PPP6R3: variants seen among roughly 807,000 people sequenced by gnomAD.
The protein encoded by PPP6R3 is protein phosphatase 6 regulatory subunit 3.
PPP6R3 carries 38 observed loss-of-function variants against 110.7 expected under a neutral mutation model. That is an observed-to-expected ratio of 0.34 (90% CI 0.26 to 0.45). The LOEUF (loss-of-function observed/expected upper bound fraction) is 0.45, where lower values mean the gene tolerates loss of function less well. Ranked by LOEUF, PPP6R3 falls within the 20% of genes least tolerant of loss-of-function variation. The pLI is 1.00. For synonymous variants in PPP6R3, 369 were observed against 373.5 expected (o/e 0.99, Z 0.14); for missense variants, 870 against 1,062.4 (o/e 0.82, Z 2.52).
chr11:68,526,914 A>G (rs763535954), intron 2 of PPP6R3, among the ~76,000 whole-genome samples: 3 of 152,242 alleles, frequency 2.0e-5, no homozygotes, highest in Non-Finnish European at 4.4e-5. Context: ...GAACTAGTTG[A>G]CAAAAGTAAG....
At chr11:68,569,500 G>T (rs2099494125) in intron 10 of PPP6R3, among the ~76,000 whole-genome samples, 1 of 152,134 alleles carries the variant, frequency 6.6e-6, no homozygotes. Context: ...TCATCTCTTG[G>T]ATTAGCATGT....
chr11:68,548,123 A>G lies in PPP6R3; in HGVS notation c.471A>G (p.Ile157Met). ...HDFVDLIIKHIGTSAIMDLLL... is the reference protein window; with the variant it reads ...HDFVDLIIKHMGTSAIMDLLL... Reference sequence around the variant, plus strand: ...TTGTAGACCTTATTATAAAGCACATAGGAACTTCTGCTATCATGGATTTGT... The same window carrying G: ...TTGTAGACCTTATTATAAAGCACATGGGAACTTCTGCTATCATGGATTTGT... Residue 157 changes from isoleucine (I) to methionine (M), a missense_variant, in exon 5 of 24, where the codon ATA (isoleucine) becomes ATG (methionine). By Grantham distance (10) the Ile-to-Met change is conservative (BLOSUM62 1). Coordinates refer to ENST00000393800, the MANE Select transcript of PPP6R3 (RefSeq NM_001164161.2). The G allele has an allele frequency of 6.2e-7, 1 of 1,613,970 alleles. No homozygotes were observed. Among genetic ancestry groups the G allele is most frequent in the South Asian group, 1.1e-5 (1 of 91,076 alleles).
At position 68,544,934 on chromosome 11, in the gene PPP6R3, C is replaced by G; in HGVS notation, c.324C>G (p.Ser108Arg). 1.9e-6 allele frequency: 3 copies of G among 1,604,288 alleles called. No individual in the cohort carries two copies. Among genetic ancestry groups the G allele is most frequent in the Non-Finnish European group, 2.6e-6 (3 of 1,171,144 alleles). Residue 108 changes from serine to arginine, a missense_variant, in exon 4 of 24, where the codon AGC (serine) becomes AGG (arginine). Transcript: ENST00000393800. ...EDESLLMKLY[S>R]FLLNDSPLNP... ...AATCCTTGCTAATGAAATTATATAG[C>G]TTCCTCCTAAACGATTCCCCTTTGA...
intron 21 of PPP6R3, 121 bp from the exon 22 acceptor site, chr11:68,603,221 T>C: frequency 7.7e-7 from 1 of 1,294,088 alleles, no homozygotes. Flanking sequence ...GCAGAAGCCA[T>C]CTCACTCTTT....
chr11:68,567,026 A>G lies in PPP6R3; in HGVS notation c.988A>G (p.Lys330Glu). 6.5e-7 allele frequency: 1 copy of G among 1,543,476 alleles called. No individual in the cohort carries two copies. Among genetic ancestry groups the G allele is most frequent in the Non-Finnish European group, 8.7e-7 (1 of 1,144,660 alleles). ...LLEPPKKSVM[K>E]TTWGVLDPPV... ...TTTTCTTCTTCAGAAAAGTGTGATGAAGACCACATGGGGTGTGCTGGATCC... is the reference window on the plus strand; with the variant it reads ...TTTTCTTCTTCAGAAAAGTGTGATGGAGACCACATGGGGTGTGCTGGATCC... Residue 330 changes from lysine to glutamate, a missense_variant, in exon 10 of 24, where the codon AAG (lysine) becomes GAG (glutamate). Physicochemically the swap from Lys to Glu is moderately conservative, Grantham distance 56 (BLOSUM62 1). Coordinates refer to ENST00000393800, the MANE Select transcript of PPP6R3 (RefSeq NM_001164161.2).
intron 8 of PPP6R3, among the ~76,000 whole-genome samples, chr11:68,561,306 C>A (rs932293705): frequency 1.3e-5 from 2 of 152,080 alleles, no homozygotes; most frequent in Non-Finnish European, 2.9e-5. Context: ...CACTATGTTG[C>A]CCAGGCTGGC....
chr11:68,516,190 A>AT (rs763175976), intron 1 of PPP6R3, among the ~76,000 whole-genome samples: 46 of 152,328 alleles, frequency 3.0e-4, no homozygotes, highest in Admixed American at 5.2e-4. Flanking sequence ...ATAATATTCC[A>AT]TTGTATGTAT....
intron 8 of PPP6R3, among the ~76,000 whole-genome samples, chr11:68,561,234 A>G (rs2099418530): frequency 6.6e-6 from 1 of 152,108 alleles, no homozygotes; most frequent in African/African-American, 2.4e-5. Flanking sequence ...CTGTTTCATT[A>G]TTTTAAATAG....
intron 3 of PPP6R3, among the ~76,000 whole-genome samples, chr11:68,541,977 G>T (rs747527634): frequency 6.6e-6 from 1 of 152,092 alleles, no homozygotes; most frequent in Non-Finnish European, 1.5e-5. Flanking sequence ...GTGATTTCTT[G>T]TAACAGGAGC....
intron 1 of PPP6R3, among the ~76,000 whole-genome samples, chr11:68,481,417 G>A (rs79507939): frequency 0.011 from 1,646 of 152,294 alleles, 38 homozygotes; most frequent in African/African-American, 0.037. Context: ...CCTTGAATAC[G>A]ATCTTAGTGA....
intron 10 of PPP6R3, among the ~76,000 whole-genome samples, 163 bp downstream of exon 10, chr11:68,567,329 C>T (rs547240096): frequency 1.4e-3 from 215 of 152,112 alleles, no homozygotes; most frequent in Non-Finnish European, 2.6e-3. Context: ...TTATAAATTT[C>T]GAATGCTTAT....
At chr11:68,585,406 G>A (rs918264954) in intron 15 of PPP6R3, among the ~76,000 whole-genome samples, 5 of 152,198 alleles carry the variant, frequency 3.3e-5, no homozygotes, top group African/African-American at 1.2e-4. Flanking sequence ...TGGCATTACT[G>A]TTAAGAGATT....
chr11:68,590,633 CT>C, intron 16 of PPP6R3, 26 bp from the exon 17 acceptor site: 1 of 1,544,964 alleles, frequency 6.5e-7, no homozygotes. Flanking sequence ...TTAATGCTTC[CT>C]ACACTTTTAT....
intron 19 of PPP6R3, among the ~76,000 whole-genome samples, chr11:68,599,148 T>G (rs566179687): frequency 6.6e-6 from 1 of 152,216 alleles, no homozygotes; most frequent in African/African-American, 2.4e-5. Context: ...AAATAACTTA[T>G]ACCAGTTTCC....
intron 12 of PPP6R3, chr11:68,571,327 A>ACCTCT: frequency 1.9e-6 from 1 of 535,958 alleles, no homozygotes; most frequent in South Asian, 2.4e-5. Context: ...GTGAGTTCGG[A>ACCTCT]GTGTTCCCCA....
chr11:68,567,257 G>A (rs1021717662), intron 10 of PPP6R3, 91 bp downstream of exon 10: 24 of 1,310,544 alleles, frequency 1.8e-5, no homozygotes, highest in African/African-American at 3.0e-5. Context: ...TTTACATTAT[G>A]TCAGTGACTT....
intron 15 of PPP6R3, among the ~76,000 whole-genome samples, chr11:68,584,372 A>T (rs60142486): frequency 0.014 from 2,065 of 152,264 alleles, 57 homozygotes; most frequent in African/African-American, 0.047. Context: ...CTCTCCCTCC[A>T]CTGAGGCACC....
At position 68,530,416 on chromosome 11, in the gene PPP6R3, G is replaced by A. The variant is rs11826997; in HGVS notation, c.-6-7243G>A. ...GTATTAAAAGTCAATAACACATTTT[G>A]TTGTCTTAAGTCTTTCTTGTGTGTT... On this transcript the variant is annotated intron_variant, in intron 2 of 23. Transcript: ENST00000393800. Among the ~76,000 whole-genome samples the A allele has an allele frequency of 3.3e-3, 510 of 152,318 alleles. 2 individuals carry two copies. Among genetic ancestry groups the A allele is most frequent in the African/African-American group, 0.011 (469 of 41,568 alleles).
At chr11:68,539,131 G>A (rs1239760169) in intron 3 of PPP6R3, among the ~76,000 whole-genome samples, 2 of 152,192 alleles carry the variant, frequency 1.3e-5, no homozygotes, top group Admixed American at 1.3e-4. Flanking sequence ...CAGTGAACTA[G>A]CATGTGGGTG....
Sources: gnomAD v4.1 joint callset for allele counts (sites outside exome capture counted in the v4.1 genomes callset) on GRCh38, gnomAD v4.1.1 for gene constraint, MANE v1.5 for transcripts, NCBI Gene and HGNC (gene_info 2026-07-23, HGNC 2026-07-21) for gene names.